Variants in NYAP2 observed in about 807,000 individuals in gnomAD.
NYAP2 encodes the protein neuronal tyrosine-phosphorylated phosphoinositide-3-kinase adapter 2.
A neutral mutation model predicts 50.4 loss-of-function variants in NYAP2; 23 were observed. The ratio of observed to expected loss-of-function variants is 0.46; its 90% CI spans 0.33 to 0.65. The LOEUF (loss-of-function observed/expected upper bound fraction) is 0.65. Ranked by LOEUF, NYAP2 falls within the 30% of genes least tolerant of loss-of-function variation. The probability of loss-of-function intolerance (pLI) is 0.02; values close to 1 mark genes in which losing one functional copy is unlikely to be tolerated. For synonymous variants in NYAP2, 394 were observed against 365.2 expected, an observed-to-expected ratio of 1.08 and a Z score of -0.90; for missense variants, 885 against 861.0, an observed-to-expected ratio of 1.03 and a Z score of -0.35.
intron 4 of NYAP2, among the ~76,000 whole-genome samples, chr2:225,518,131 C>CACACACACAT (rs1388608505): frequency 1.3e-5 from 2 of 151,992 alleles, no homozygotes; most frequent in Non-Finnish European, 2.9e-5. Context: ...CACACAAACA[C>CACACACACAT]ACACACACAT....
chr2:225,607,655 C>T (rs978817569), intron 5 of NYAP2, among the ~76,000 whole-genome samples: 5 of 151,396 alleles, frequency 3.3e-5, no homozygotes, highest in South Asian at 2.1e-4. Context: ...TTGGTCAAGA[C>T]TGTAGAATTC....
intron 3 of NYAP2, among the ~76,000 whole-genome samples, chr2:225,505,989 T>C (rs1690697145): frequency 6.6e-6 from 1 of 151,864 alleles, no homozygotes; most frequent in Non-Finnish European, 1.5e-5. Flanking sequence ...GTTCCTAAAA[T>C]AGTCACGGTG....
chr2:225,505,801 G>A (rs1398584901), intron 3 of NYAP2, among the ~76,000 whole-genome samples: 1 of 152,128 alleles, frequency 6.6e-6, no homozygotes, highest in Non-Finnish European at 1.5e-5. Context: ...GAACAGTTTG[G>A]GATTATTCTA....
chr2:225,398,591 G>A (rs1207932378), upstream of NYAP2, among the ~76,000 whole-genome samples: 2 of 151,462 alleles, frequency 1.3e-5, no homozygotes, highest in Admixed American at 1.3e-4. Flanking sequence ...GCACTTTTCA[G>A]CAATGTGCTA....
At chr2:225,413,330 T>C (rs570791489) in intron 3 of NYAP2, among the ~76,000 whole-genome samples, 3 of 152,056 alleles carry the variant, frequency 2.0e-5, no homozygotes, top group Non-Finnish European at 4.4e-5. Flanking sequence ...AAATAAAAAA[T>C]AGGACAGGAG....
intron 3 of NYAP2, among the ~76,000 whole-genome samples, chr2:225,440,859 G>T (rs759442111): frequency 1.3e-5 from 2 of 152,162 alleles, no homozygotes; most frequent in South Asian, 2.1e-4. Flanking sequence ...TGGATGAATT[G>T]CCCTGATAAT....
intron 4 of NYAP2, among the ~76,000 whole-genome samples, chr2:225,551,765 G>T (rs1691681614): frequency 6.6e-6 from 1 of 152,174 alleles, no homozygotes; most frequent in Non-Finnish European, 1.5e-5. Flanking sequence ...AAAGGTTGAG[G>T]CATATACACA....
At chr2:225,689,379 T>C in the NYAP2 span, among the ~76,000 whole-genome samples, 1 of 152,190 alleles carries the variant, frequency 6.6e-6, no homozygotes, top group Non-Finnish European at 1.5e-5. Flanking sequence ...CAAGCCCAGA[T>C]ACATAAAAAT....
chr2:225,693,575 C>T, the NYAP2 span, among the ~76,000 whole-genome samples: 1 of 152,090 alleles, frequency 6.6e-6, no homozygotes, highest in Admixed American at 6.6e-5. Flanking sequence ...ACTGAGAAGT[C>T]CAAGACCAGG....
intron 3 of NYAP2, among the ~76,000 whole-genome samples, chr2:225,511,369 CACACAGAG>C (rs1429248627): frequency 6.6e-4 from 89 of 134,614 alleles, no homozygotes; most frequent in South Asian, 1.6e-3. Context: ...CACACACACA[CACACAGAG>C]AGAGAGAGAG....
the NYAP2 span, among the ~76,000 whole-genome samples, chr2:225,683,113 A>G: frequency 1.3e-5 from 2 of 152,146 alleles, no homozygotes; most frequent in African/African-American, 2.4e-5. Flanking sequence ...ATGGTGGCAA[A>G]TGCTATCGTG....
At chr2:225,554,691 C>A (rs1423193483) in intron 4 of NYAP2, among the ~76,000 whole-genome samples, 3 of 151,762 alleles carry the variant, frequency 2.0e-5, no homozygotes, top group Non-Finnish European at 4.4e-5. Context: ...GGGGGAGGGG[C>A]AAAGGGAGAG....
intron 6 of NYAP2, among the ~76,000 whole-genome samples, chr2:225,631,966 C>T (rs1693324284): frequency 6.6e-6 from 1 of 152,072 alleles, no homozygotes; most frequent in Non-Finnish European, 1.5e-5. Flanking sequence ...TACAGGTGCC[C>T]ACCACCATGC....
chr2:225,659,621 T>A, the NYAP2 span, among the ~76,000 whole-genome samples: 1 of 152,104 alleles, frequency 6.6e-6, no homozygotes, highest in Admixed American at 6.6e-5. Flanking sequence ...GTCAAAAACC[T>A]GAGATAGACA....
At chr2:225,676,494 G>A in the NYAP2 span, among the ~76,000 whole-genome samples, 1 of 152,012 alleles carries the variant, frequency 6.6e-6, no homozygotes, top group Non-Finnish European at 1.5e-5. Flanking sequence ...GAGGTTTAAT[G>A]GGACTTACAG....
At chr2:225,467,844 T>C (rs1216139362) in intron 3 of NYAP2, among the ~76,000 whole-genome samples, 1 of 152,128 alleles carries the variant, frequency 6.6e-6, no homozygotes, top group African/African-American at 2.4e-5. Context: ...TTGAATACAA[T>C]CATTCATTCA....
the NYAP2 span, among the ~76,000 whole-genome samples, chr2:225,664,385 T>C: frequency 3.3e-5 from 5 of 152,158 alleles, no homozygotes; most frequent in African/African-American, 7.2e-5. Context: ...TCAATACATA[T>C]TGAATGAATA....
Position 225,587,884 on chromosome 2 carries a change from A to G in NYAP2, c.1618+4849A>G, listed in dbSNP as rs901054396. 2.0e-5 allele frequency among the ~76,000 whole-genome samples: 3 copies of G among 151,858 alleles called. No homozygotes were observed. In the South Asian group the frequency reaches 6.2e-4, roughly 31 times the overall value. Reference sequence around the variant, plus strand: ...TATTCTACATTATTGGAGATTCGTAAGTTTTTCCTATTAAACCTCATCTTT... The same window carrying G: ...TATTCTACATTATTGGAGATTCGTAGGTTTTTCCTATTAAACCTCATCTTT... On this transcript the variant is annotated intron_variant, in intron 5 of 6. Coordinates refer to ENST00000636099, the Ensembl canonical transcript of NYAP2.
At chr2:225,562,788 G>A (rs1691898116) in intron 4 of NYAP2, among the ~76,000 whole-genome samples, 1 of 152,040 alleles carries the variant, frequency 6.6e-6, no homozygotes, top group Admixed American at 6.6e-5. Flanking sequence ...TTCTACTTGT[G>A]CGTTTCCAGC....
Sources: allele counts gnomAD v4.1 joint callset (sites outside exome capture counted in the v4.1 genomes callset), GRCh38; gene constraint gnomAD v4.1.1; transcripts MANE v1.5; gene names NCBI Gene and HGNC (gene_info 2026-07-23, HGNC 2026-07-21).